The following PRXL2C variants were observed in gnomAD, a reference collection of about 807,000 sequenced individuals.
PRXL2C encodes the protein peroxiredoxin like 2C.
In PRXL2C, 38 loss-of-function variants were observed where a neutral mutation model predicts 24.9. That is an observed-to-expected ratio of 1.53 (90% CI 1.18 to 2.00). PRXL2C has a LOEUF of 2.00. PRXL2C is among the 30% of genes most tolerant of loss of function. The pLI is 0.00. For missense variants in PRXL2C, 294 were observed against 290.9 expected (o/e 1.01, Z -0.08); for synonymous variants, 98 against 117.2 (o/e 0.84, Z 1.06).
chr9:96,643,867 G>A (rs910521491), intron 5 of PRXL2C, among the ~76,000 whole-genome samples: 1 of 151,700 alleles, frequency 6.6e-6, no homozygotes, highest in Admixed American at 6.6e-5. Context: ...GGGTGTGGTG[G>A]CTCACACCTG....
chr9:96,654,013 G>A (rs1848312154), intron 2 of PRXL2C, among the ~76,000 whole-genome samples: 1 of 151,892 alleles, frequency 6.6e-6, no homozygotes, highest in African/African-American at 2.4e-5. Flanking sequence ...GGTAATTTTT[G>A]GTATTTTTAG....
In PRXL2C at chr9:96,651,717, G is replaced by C; in HGVS notation, c.262-5C>G. The C allele has an allele frequency of 6.2e-7, 1 of 1,600,670 alleles. No individual in the cohort carries two copies. Among genetic ancestry groups the C allele is most frequent in the Non-Finnish European group, 8.5e-7 (1 of 1,173,814 alleles). On this transcript the variant is annotated splice_region_variant and splice_polypyrimidine_tract_variant and intron_variant, in intron 2 of 5. Coordinates refer to ENST00000375234, the MANE Select transcript of PRXL2C (RefSeq NM_153698.2). ...TATAAGGGTGACATTTGCTTCCTTAGGAGAAAAAAAAGGACATGTATATAT... is the reference window on the plus strand; with the variant it reads ...TATAAGGGTGACATTTGCTTCCTTACGAGAAAAAAAAGGACATGTATATAT...
chr9:96,646,992 G>A (rs547479380), intron 4 of PRXL2C, among the ~76,000 whole-genome samples: 1 of 152,118 alleles, frequency 6.6e-6, no homozygotes, highest in Non-Finnish European at 1.5e-5. Context: ...GTTTCTCCAC[G>A]TTGGTCAGGC....
intron 4 of PRXL2C, among the ~76,000 whole-genome samples, chr9:96,648,572 T>G (rs533850429): frequency 6.6e-6 from 1 of 152,284 alleles, no homozygotes; most frequent in Non-Finnish European, 1.5e-5. Flanking sequence ...AAAAATTATT[T>G]TATGAGAACC....
chr9:96,641,634 G>T lies in PRXL2C; in HGVS notation c.*125C>A. ...TTCAACAGGTTCAAGCCCCCTTTAT[G>T]CTTCCCTAACTCCTCAAAGGCTGGG... On this transcript the variant is annotated 3_prime_UTR_variant, in exon 6 of 6. Transcript: ENST00000375234. The T allele has an allele frequency of 1.0e-6, 1 of 978,610 alleles. No homozygotes were observed. The highest frequency in any genetic ancestry group is 1.4e-6 in the Non-Finnish European group (1 of 720,406). 60.6% of individuals were successfully genotyped at this position (978,610 alleles called of 1,614,324 possible). A position where few individuals can be genotyped will look rare whatever the true frequency, so the allele number is the denominator to read the frequency against.
rs1435152611 is a variant in PRXL2C at position 96,645,822 on chromosome 9, A to G, written c.553+71T>C. 8.1e-6 allele frequency: 12 copies of G among 1,485,394 alleles called. No individual in the cohort carries two copies. In the Admixed American group the frequency reaches 2.8e-4, roughly 35 times the overall value. 92.0% of individuals were successfully genotyped at this position (1,485,394 alleles called of 1,614,324 possible). On this transcript the variant is annotated intron_variant, in intron 5 of 5. Transcript: ENST00000375234. Reference sequence around the variant, plus strand: ...GAAAAAAAAAAAAAAGGAAAAGAAAAGAAAATGGCGGCCTCTGAACTTGTA... The same window carrying G: ...GAAAAAAAAAAAAAAGGAAAAGAAAGGAAAATGGCGGCCTCTGAACTTGTA...
chr9:96,651,958 GAAGAA>G (rs1338088633), intron 2 of PRXL2C, among the ~76,000 whole-genome samples: 1 of 152,130 alleles, frequency 6.6e-6, no homozygotes, highest in East Asian at 1.9e-4. Flanking sequence ...AAAACTACTA[GAAGAA>G]AACTACAAAA....
At chr9:96,642,269 A>G (rs1012308222) in intron 5 of PRXL2C, among the ~76,000 whole-genome samples, 4 of 152,160 alleles carry the variant, frequency 2.6e-5, no homozygotes, top group Non-Finnish European at 5.9e-5. Context: ...AATAAATATA[A>G]TAAGGAAATA....
In PRXL2C at chr9:96,649,023, T is replaced by C. The variant is rs368015593; in HGVS notation, c.421+2367A>G. Among the ~76,000 whole-genome samples the C allele has an allele frequency of 6.6e-5, 10 of 152,180 alleles. No homozygotes were observed. In the East Asian group the frequency reaches 1.6e-3, roughly 24 times the overall value. ...CCTGACTTCAGGTGATCCACCCGCCTTGGCCTCCCAAAGTGCTGGGATTAC... is the reference window on the plus strand; with the variant it reads ...CCTGACTTCAGGTGATCCACCCGCCCTGGCCTCCCAAAGTGCTGGGATTAC... On this transcript the variant is annotated intron_variant, in intron 4 of 5. Coordinates refer to ENST00000375234, the MANE Select transcript of PRXL2C (RefSeq NM_153698.2).
chr9:96,645,921 C>T lies in PRXL2C; in HGVS notation c.525G>A (p.Gln175=). Residue 175 remains glutamine (Q), a synonymous_variant, in exon 5 of 6, where the codon CAG becomes CAA. Coordinates refer to ENST00000375234, the MANE Select transcript of PRXL2C (RefSeq NM_153698.2). ...PLFDFQGDPA[Q]QGGTLILGPG... The stretch of plus-strand genomic sequence containing the variant: ...GACCTAAAATGAGGGTTCCACCTTG[C>T]TGAGCTGGGTCTCCTTGAAAATCAA... 1 of 1,613,194 alleles carries T rather than the reference C, an allele frequency of 6.2e-7. No homozygotes were observed. Among genetic ancestry groups the T allele is most frequent in the Non-Finnish European group, 8.5e-7 (1 of 1,179,796 alleles).
At chr9:96,645,608 T>C (rs1462591204) in intron 5 of PRXL2C, among the ~76,000 whole-genome samples, 1 of 151,704 alleles carries the variant, frequency 6.6e-6, no homozygotes, top group African/African-American at 2.4e-5. Context: ...CCATCCTGGC[T>C]AACACGGTGA....
In PRXL2C at chr9:96,641,855, C is replaced by G; in HGVS notation, c.585G>C (p.Arg195Ser). ...TGATAGGTTTGTGATCCAACCTATT[C>G]CTATCGCGGTGTATAAAATGGATGT... ...GNNIHFIHRD[R>S]NRLDHKPINS... The change falls in exon 6 of 6, where the codon AGG (arginine) becomes AGC (serine). Residue 195 changes from arginine (R) to serine (S), a missense_variant. Coordinates refer to ENST00000375234, the MANE Select transcript of PRXL2C (RefSeq NM_153698.2). 1 of 1,524,748 alleles carries G rather than the reference C, an allele frequency of 6.6e-7. No individual in the cohort carries two copies. The highest frequency in any genetic ancestry group is 1.3e-5 in the South Asian group (1 of 78,518). 94.5% of individuals were successfully genotyped at this position (1,524,748 alleles called of 1,614,324 possible).
At chr9:96,645,453 C>T (rs1848184472) in intron 5 of PRXL2C, among the ~76,000 whole-genome samples, 1 of 152,044 alleles carries the variant, frequency 6.6e-6, no homozygotes, top group Admixed American at 6.6e-5. Flanking sequence ...AGCATCCTGG[C>T]TGTAATGCCA....
In PRXL2C at chr9:96,651,435, A is replaced by G; in HGVS notation, c.376T>C (p.Tyr126His). ...CCTCTTTTCATTCCCAATCTTTTAT[A>G]AATTTCTCTCTCAGGATCGACATAG... ...EIYVDPEREIYKRLGMKRGEE... is the reference protein window; with the variant it reads ...EIYVDPEREIHKRLGMKRGEE... The change falls in exon 4 of 6, where the codon TAT becomes CAT. Residue 126 changes from tyrosine (Y) to histidine (H), a missense_variant. Physicochemically the swap from Tyr to His is moderately conservative, Grantham distance 83 (BLOSUM62 2). Coordinates refer to ENST00000375234, the MANE Select transcript of PRXL2C (RefSeq NM_153698.2). The G allele has an allele frequency of 6.2e-7, 1 of 1,613,512 alleles. No individual in the cohort carries two copies. Among genetic ancestry groups the G allele is most frequent in the Non-Finnish European group, 8.5e-7 (1 of 1,179,894 alleles).
rs1564410169 is a variant in PRXL2C, at chr9:96,651,740, T to C, written c.262-28A>G. ...TAGGAGAAAAAAAAGGACATGTATA[T>C]ATCATTAGAAATTATGCATGTTTTA... is the stretch of plus-strand genomic sequence containing the variant. On this transcript the variant is annotated intron_variant, in intron 2 of 5. Transcript: ENST00000375234. 5 of 1,563,602 alleles carry C rather than the reference T, an allele frequency of 3.2e-6. No homozygotes were observed. The Admixed American group carries it at 7.3e-5, about 23-fold the overall frequency.
intron 4 of PRXL2C, among the ~76,000 whole-genome samples, chr9:96,650,326 TG>T (rs1848251305): frequency 6.6e-6 from 1 of 152,234 alleles, no homozygotes; most frequent in Non-Finnish European, 1.5e-5. Flanking sequence ...TATTGATTTT[TG>T]TTTGAATTGA....
At chr9:96,644,889 T>C (rs1329921654) in intron 5 of PRXL2C, among the ~76,000 whole-genome samples, 2 of 74,194 alleles carry the variant, frequency 2.7e-5, no homozygotes, top group African/African-American at 2.8e-4. Flanking sequence ...TTCTTTTTTT[T>C]TTTTTTTTTT....
At chr9:96,646,068 T>C in intron 4 of PRXL2C, 44 bp from the exon 5 acceptor site, 1 of 1,535,812 alleles carries the variant, frequency 6.5e-7, no homozygotes, top group Non-Finnish European at 8.8e-7. Flanking sequence ...TTATATTCAA[T>C]TTGATATTAA....
In PRXL2C at chr9:96,654,724, A is replaced by G. The variant is rs1848326115; in HGVS notation, c.242T>C (p.Ile81Thr). 7 of 1,565,942 alleles carry G rather than the reference A, an allele frequency of 4.5e-6. No homozygotes were observed. The Admixed American group carries it at 1.1e-4, about 25-fold the overall frequency. The change falls in exon 2 of 6, where the codon ATC (isoleucine) becomes ACC (threonine). Residue 81 changes from isoleucine (I) to threonine (T), a missense_variant. Coordinates refer to ENST00000375234, the MANE Select transcript of PRXL2C (RefSeq NM_153698.2). Reference protein sequence around the residue: ...CKEYVEDLAKIPRSFLQEANV... With the variant: ...CKEYVEDLAKTPRSFLQEANV... ...ACTCACTTGTAAGAAACTCCTGGGG[A>G]TTTTGGCCAGATCCTCTACGTATTC...
Sources: gnomAD v4.1 joint callset for allele counts (sites outside exome capture counted in the v4.1 genomes callset) on GRCh38, gnomAD v4.1.1 for gene constraint, MANE v1.5 for transcripts, NCBI Gene and HGNC (gene_info 2026-07-23, HGNC 2026-07-21) for gene names.